The following SLC66A2 variants were observed in gnomAD, a reference collection of about 807,000 sequenced individuals.
SLC66A2 encodes the protein PQ loop repeat containing 1.
SLC66A2 carries 23 observed loss-of-function variants against 25.5 expected under a neutral mutation model. The ratio of observed to expected loss-of-function variants is 0.90; its 90% CI spans 0.65 to 1.28. The LOEUF is 1.28. Ranked by LOEUF, SLC66A2 falls within the 50% of genes most tolerant of loss-of-function variation. The probability of loss-of-function intolerance (pLI) is 0.00; values close to 1 mark genes in which losing one functional copy is unlikely to be tolerated. For missense variants in SLC66A2, 396 were observed against 373.1 expected, an observed-to-expected ratio of 1.06 and a Z score of -0.51; for synonymous variants, 193 against 166.5, an observed-to-expected ratio of 1.16 and a Z score of -1.23.
chr18:79,908,410 G>A (rs373509626), intron 5 of SLC66A2, among the ~76,000 whole-genome samples: 28 of 151,228 alleles, frequency 1.9e-4, no homozygotes, highest in Non-Finnish European at 3.5e-4. Context: ...GACCTCCCTC[G>A]TTTCTGGTGA....
Position 79,916,227 on chromosome 18 carries a change from C to T in SLC66A2, c.608+2957G>A, listed in dbSNP as rs867116591. On this transcript the variant is annotated intron_variant, in intron 5 of 5. Transcript: ENST00000397778. ...CGTACCCGCGGCGCTCTTGTACCTG[C>T]GGCACTCCCGTACCCGTGGTGCTCT... Among the ~76,000 whole-genome samples the T allele has an allele frequency of 4.6e-5, 6 of 129,900 alleles. 1 individual carries two copies. Among genetic ancestry groups the T allele is most frequent in the East Asian group, 4.7e-4 (2 of 4,264 alleles). 85.2% of individuals were successfully genotyped at this position (129,900 alleles called of 152,430 possible). A position where few individuals can be genotyped will look rare whatever the true frequency, so the allele number is the denominator to read the frequency against.
At chr18:79,906,075 C>G (rs1339279403) in intron 5 of SLC66A2, among the ~76,000 whole-genome samples, 1 of 152,182 alleles carries the variant, frequency 6.6e-6, no homozygotes, top group Non-Finnish European at 1.5e-5. Context: ...GTTCATTGTA[C>G]TCTTTTGATG....
chr18:79,903,917 G>A lies in SLC66A2; in HGVS notation c.*59C>T, dbSNP rs1599462049. 1.4e-6 allele frequency: 2 copies of A among 1,478,160 alleles called. No individual in the cohort carries two copies. The highest frequency in any genetic ancestry group is 1.8e-6 in the Non-Finnish European group (2 of 1,100,928). 91.6% of individuals were successfully genotyped at this position (1,478,160 alleles called of 1,614,324 possible). The stretch of plus-strand genomic sequence containing the variant: ...CCACAGCACCCACCCTCCCCGCGGG[G>A]AGGTCAGGGCCCACCAGTGCCCGCG... On this transcript the variant is annotated 3_prime_UTR_variant, in exon 6 of 6. Coordinates refer to ENST00000397778, the MANE Select transcript of SLC66A2 (RefSeq NM_025078.5).
rs1290582056 is a variant in SLC66A2, at chr18:79,941,015, C to T, written c.337+2314G>A. 6.6e-6 allele frequency among the ~76,000 whole-genome samples: 1 copy of T among 152,116 alleles called. No homozygotes were observed. The highest frequency in any genetic ancestry group is 2.4e-5 in the African/African-American group (1 of 41,430). The stretch of plus-strand genomic sequence containing the variant: ...CTCGTGGCGGCCCTGGACTGCTTCC[C>T]AAATACTCCAGGCCTGAGGAAAGGG... On this transcript the variant is annotated intron_variant, in intron 3 of 5. Transcript: ENST00000397778. This position sits in a 1 kb window ranked among gnomAD's most constrained non-coding sequence, Gnocchi z 4.1.
At chr18:79,944,752 A>G in intron 2 of SLC66A2, 1 of 152,690 alleles carries the variant, frequency 6.5e-6, no homozygotes. Flanking sequence ...TAACAGCCTC[A>G]TTTCCCAACT....
At chr18:79,925,209 C>A (rs1985792521) in intron 4 of SLC66A2, among the ~76,000 whole-genome samples, 1 of 152,152 alleles carries the variant, frequency 6.6e-6, no homozygotes, top group Non-Finnish European at 1.5e-5. Context: ...GAGGGGAGGG[C>A]ACCCCCCTTT....
At chr18:79,912,798 C>T (rs1270441720) in intron 5 of SLC66A2, among the ~76,000 whole-genome samples, 2 of 152,162 alleles carry the variant, frequency 1.3e-5, no homozygotes, top group Non-Finnish European at 2.9e-5. Context: ...CCGCTGAACC[C>T]TCCTGTCACA....
At chr18:79,936,163 G>A (rs1009674961) in intron 3 of SLC66A2, among the ~76,000 whole-genome samples, 5 of 152,304 alleles carry the variant, frequency 3.3e-5, no homozygotes, top group Admixed American at 6.5e-5. Context: ...GTACCCTGTC[G>A]GTACGGCGTG....
At chr18:79,938,967 C>T (rs7228070) in intron 3 of SLC66A2, among the ~76,000 whole-genome samples, 56,318 of 152,184 alleles carry the variant, frequency 0.37, 11,095 homozygotes, top group Middle Eastern at 0.49. Context: ...TGAGCCGCTG[C>T]GACCGGCCAG....
chr18:79,940,331 A>C lies in SLC66A2; in HGVS notation c.337+2998T>G, dbSNP rs1001584678. On this transcript the variant is annotated intron_variant, in intron 3 of 5. Coordinates refer to ENST00000397778, the MANE Select transcript of SLC66A2 (RefSeq NM_025078.5). This position sits in a 1 kb window ranked among gnomAD's most constrained non-coding sequence, Gnocchi z 4.1. ...AATAATCTGCACACTGGCCGGGCGCAGTGGGTCACGCCCGTAATGCCAGCA... is the reference window on the plus strand; with the variant it reads ...AATAATCTGCACACTGGCCGGGCGCCGTGGGTCACGCCCGTAATGCCAGCA... Among the ~76,000 whole-genome samples, 28 of 152,166 alleles carry C rather than the reference A, an allele frequency of 1.8e-4. No individual in the cohort carries two copies. Among genetic ancestry groups the C allele is most frequent in the African/African-American group, 6.8e-4 (28 of 41,438 alleles).
chr18:79,934,128 TAA>T (rs3837882), intron 3 of SLC66A2, 106 bp from the exon 4 acceptor site: 114,663 of 577,064 alleles, frequency 0.2, 4,857 homozygotes, highest in South Asian at 0.29. Context: ...TGCATTTCTT[TAA>T]AAAAAAAAAA....
chr18:79,950,388 A>C (rs2051077301), intron 2 of SLC66A2, among the ~76,000 whole-genome samples: 1 of 152,052 alleles, frequency 6.6e-6, no homozygotes, highest in African/African-American at 2.4e-5. Flanking sequence ...ATACAACATG[A>C]AAAAGGAGGG....
chr18:79,904,056 C>T lies in SLC66A2; in HGVS notation c.736G>A (p.Gly246Arg). The change falls in exon 6 of 6, where the codon GGG (glycine) becomes AGG (arginine). Residue 246 changes from glycine to arginine, a missense_variant. Physicochemically the swap from Gly to Arg is moderately radical, Grantham distance 125. Coordinates refer to ENST00000397778, the MANE Select transcript of SLC66A2 (RefSeq NM_025078.5). This position sits in a 1 kb window ranked among gnomAD's most constrained non-coding sequence, Gnocchi z 6.3. ...TGGCGGGCGAAGGCGTAGGCCTGCCCCAGGATGGCCAGGTCCACCAGCACC... is the reference window on the plus strand; with the variant it reads ...TGGCGGGCGAAGGCGTAGGCCTGCCTCAGGATGGCCAGGTCCACCAGCACC... ...LQVLVDLAILGQAYAFARHPQ... is the reference protein window; with the variant it reads ...LQVLVDLAILRQAYAFARHPQ... The T allele has an allele frequency of 6.2e-7, 1 of 1,611,306 alleles. No homozygotes were observed. The highest frequency in any genetic ancestry group is 8.5e-7 in the Non-Finnish European group (1 of 1,179,182).
intron 5 of SLC66A2, among the ~76,000 whole-genome samples, chr18:79,907,468 C>T (rs907370257): frequency 2.0e-5 from 3 of 150,684 alleles, no homozygotes; most frequent in African/African-American, 4.9e-5. Flanking sequence ...TCTTCTGCCT[C>T]AGTCTCCCAA....
At chr18:79,947,416 G>A (rs192885049) in intron 2 of SLC66A2, 1 of 152,496 alleles carries the variant, frequency 6.6e-6, no homozygotes, top group East Asian at 1.9e-4. Flanking sequence ...GCCCCTGCAG[G>A]ACTGCAGAGC....
At chr18:79,928,364 T>C (rs1254741141) in intron 4 of SLC66A2, among the ~76,000 whole-genome samples, 1 of 152,092 alleles carries the variant, frequency 6.6e-6, no homozygotes, top group Admixed American at 6.5e-5. Context: ...GAACAGAAAC[T>C]CAAGAGCGTT....
At chr18:79,931,286 T>C (rs902271725) in intron 4 of SLC66A2, among the ~76,000 whole-genome samples, 10 of 152,216 alleles carry the variant, frequency 6.6e-5, no homozygotes, top group African/African-American at 2.2e-4. Context: ...GAATGGATTT[T>C]TTTTAAAGAT....
intron 3 of SLC66A2, among the ~76,000 whole-genome samples, chr18:79,939,710 T>C (rs1302487712): frequency 1.3e-5 from 2 of 151,780 alleles, no homozygotes; most frequent in Non-Finnish European, 2.9e-5. Context: ...GAATGGCTAT[T>C]AATAAAAAAA....
chr18:79,947,814 G>T (rs924486536), intron 2 of SLC66A2, among the ~76,000 whole-genome samples: 1 of 149,020 alleles, frequency 6.7e-6, no homozygotes, highest in Admixed American at 6.7e-5. Flanking sequence ...GCCTGGAGAG[G>T]GGAAGCCAGG....
Sources: gnomAD v4.1 joint callset for allele counts (sites outside exome capture counted in the v4.1 genomes callset) on GRCh38, gnomAD v4.1.1 for gene constraint, Gnocchi (gnomAD v3.1) non-coding constraint, MANE v1.5 for transcripts, NCBI Gene and HGNC (gene_info 2026-07-23, HGNC 2026-07-21) for gene names.